CXCL13: variants seen among roughly 807,000 people sequenced by gnomAD.
The protein encoded by CXCL13 is C-X-C motif chemokine ligand 13.
In CXCL13, 7 loss-of-function variants were observed where a neutral mutation model predicts 12.2. That is an observed-to-expected ratio of 0.57 (90% CI 0.33 to 1.07). The LOEUF is 1.07. Among genes scored for constraint, CXCL13 ranks in the 50% least tolerant of loss-of-function variants. The pLI is 0.04. For synonymous variants in CXCL13, 47 were observed against 42.4 expected, an observed-to-expected ratio of 1.11 and a Z score of -0.42; for missense variants, 113 against 127.4, an observed-to-expected ratio of 0.89 and a Z score of 0.55.
At chr4:77,580,603 G>A (rs7691146) in intron 1 of CXCL13, among the ~76,000 whole-genome samples, 2,367 of 151,882 alleles carry the variant, frequency 0.016, 69 homozygotes, top group African/African-American at 0.054. Context: ...GGGATTACAG[G>A]TGTGAGCCAC....
intron 1 of CXCL13, among the ~76,000 whole-genome samples, chr4:77,587,165 C>T (rs961912938): frequency 7.2e-5 from 11 of 152,150 alleles, no homozygotes; most frequent in African/African-American, 2.7e-4. Context: ...GAACAATATC[C>T]GGTAAGTCTG....
intron 1 of CXCL13, among the ~76,000 whole-genome samples, chr4:77,555,241 C>G (rs1381645907): frequency 1.3e-5 from 2 of 151,758 alleles, no homozygotes; most frequent in Non-Finnish European, 2.9e-5. Context: ...TCACTGCAGG[C>G]ATTAAAAAGA....
intron 1 of CXCL13, among the ~76,000 whole-genome samples, chr4:77,587,808 G>A (rs150729145): frequency 0.019 from 2,921 of 152,332 alleles, 112 homozygotes; most frequent in African/African-American, 0.066. Flanking sequence ...CAAGGATAAC[G>A]AGCGTGAAAC....
intron 1 of CXCL13, among the ~76,000 whole-genome samples, chr4:77,556,055 C>T (rs1431971055): frequency 6.6e-6 from 1 of 152,148 alleles, no homozygotes; most frequent in Non-Finnish European, 1.5e-5. Context: ...TGAACAGTTC[C>T]TTACTTATTT....
upstream of CXCL13, among the ~76,000 whole-genome samples, chr4:77,604,101 C>T (rs1430767212): frequency 6.6e-6 from 1 of 152,210 alleles, no homozygotes; most frequent in Admixed American, 6.5e-5. Context: ...GTGCAGTTAG[C>T]TGACAGCCTC....
chr4:77,527,531 C>T (rs1268480591), intron 1 of CXCL13, among the ~76,000 whole-genome samples: 1 of 151,956 alleles, frequency 6.6e-6, no homozygotes, highest in East Asian at 1.9e-4. Context: ...ACTTGGGAGG[C>T]TGAGGTGGGA....
At chr4:77,555,706 A>C (rs1725641496) in intron 1 of CXCL13, among the ~76,000 whole-genome samples, 1 of 152,118 alleles carries the variant, frequency 6.6e-6, no homozygotes, top group South Asian at 2.1e-4. Context: ...AAGCCCCAAC[A>C]GATTTGTTGT....
intron 1 of CXCL13, among the ~76,000 whole-genome samples, chr4:77,542,579 A>G (rs887430506): frequency 3.9e-5 from 6 of 152,118 alleles, no homozygotes; most frequent in African/African-American, 4.8e-5. Flanking sequence ...GGGGATTACA[A>G]TTCTACAAGA....
At chr4:77,578,366 C>T (rs539336082) in intron 1 of CXCL13, among the ~76,000 whole-genome samples, 1 of 152,296 alleles carries the variant, frequency 6.6e-6, no homozygotes, top group African/African-American at 2.4e-5. Context: ...AAAACAGCGC[C>T]CCCTGTCAGC....
At chr4:77,522,380 C>CAT (rs1724630540) in intron 1 of CXCL13, among the ~76,000 whole-genome samples, 1 of 151,848 alleles carries the variant, frequency 6.6e-6, no homozygotes, top group Non-Finnish European at 1.5e-5. Flanking sequence ...GTATTGGGTG[C>CAT]ATATATATAT....
intron 1 of CXCL13, among the ~76,000 whole-genome samples, chr4:77,571,851 C>T (rs1394464987): frequency 6.6e-6 from 1 of 151,802 alleles, no homozygotes; most frequent in Non-Finnish European, 1.5e-5. Context: ...GTAACACTCA[C>T]CGCGAAGATC....
intron 1 of CXCL13, among the ~76,000 whole-genome samples, chr4:77,520,637 A>T (rs2110079897): frequency 6.6e-6 from 1 of 152,214 alleles, no homozygotes; most frequent in Admixed American, 6.5e-5. Flanking sequence ...GGGTTTTCTA[A>T]ATATACAATC....
chr4:77,529,594 A>G (rs966531233), intron 1 of CXCL13, among the ~76,000 whole-genome samples: 2 of 152,166 alleles, frequency 1.3e-5, no homozygotes, highest in African/African-American at 4.8e-5. Context: ...ATTGGTGTAT[A>G]AGAATGCTTG....
chr4:77,530,105 C>T (rs2110084128), intron 1 of CXCL13, among the ~76,000 whole-genome samples: 2 of 152,266 alleles, frequency 1.3e-5, no homozygotes, highest in Non-Finnish European at 2.9e-5. Context: ...TTGAACCAGC[C>T]TTGCATCCCA....
At position 77,552,527 on chromosome 4, in the gene CXCL13, G is replaced by T. The variant is rs185400979; in HGVS notation, c.-43+40739G>T. 3.9e-5 allele frequency among the ~76,000 whole-genome samples: 6 copies of T among 152,330 alleles called. 1 individual carries two copies. The East Asian group carries it at 9.7e-4, about 25-fold the overall frequency. Reference sequence around the variant, plus strand: ...AGCTCTCTGTTGCCTCAGGAAATGGGCTTATTTATGGGGTTCACAGTGGTC... The same window carrying T: ...AGCTCTCTGTTGCCTCAGGAAATGGTCTTATTTATGGGGTTCACAGTGGTC... On this transcript the variant is annotated intron_variant, in intron 1 of 4. Coordinates refer to the CXCL13 transcript ENST00000286758.
At chr4:77,562,844 C>G (rs1725845114) in intron 1 of CXCL13, among the ~76,000 whole-genome samples, 2 of 152,112 alleles carry the variant, frequency 1.3e-5, no homozygotes, top group Admixed American at 1.3e-4. Flanking sequence ...CAAAACGGAC[C>G]AATCAGCTCT....
At chr4:77,531,442 T>C (rs1415906928) in intron 1 of CXCL13, among the ~76,000 whole-genome samples, 6 of 151,956 alleles carry the variant, frequency 3.9e-5, no homozygotes, top group Non-Finnish European at 8.8e-5. Flanking sequence ...CTTCTACATT[T>C]GCTGAGGAGT....
At chr4:77,544,856 C>G (rs1211916909) in intron 1 of CXCL13, among the ~76,000 whole-genome samples, 3 of 152,136 alleles carry the variant, frequency 2.0e-5, no homozygotes, top group Non-Finnish European at 4.4e-5. Context: ...CCTAGGTTTT[C>G]TTCTAGGGTT....
intron 1 of CXCL13, among the ~76,000 whole-genome samples, chr4:77,546,803 G>A (rs1037955798): frequency 6.6e-6 from 1 of 152,040 alleles, no homozygotes; most frequent in Non-Finnish European, 1.5e-5. Context: ...GTTTGCTCTT[G>A]CTTCTCTAGT....
Sources: allele counts gnomAD v4.1 joint callset (sites outside exome capture counted in the v4.1 genomes callset), GRCh38; gene constraint gnomAD v4.1.1; transcripts MANE v1.5; gene names NCBI Gene and HGNC (gene_info 2026-07-23, HGNC 2026-07-21).